Variants in ATP2C2 observed in about 807,000 individuals in gnomAD.
ATP2C2 encodes the protein calcium-transporting ATPase type 2C member 2.
ATP2C2 carries 171 observed loss-of-function variants against 110.8 expected under a neutral mutation model. That is an observed-to-expected ratio of 1.54 (90% CI 1.36 to 1.75). The LOEUF (loss-of-function observed/expected upper bound fraction) is 1.75. ATP2C2 is among the 40% of genes most tolerant of loss of function. ATP2C2 has a pLI of 0.00. For missense variants in ATP2C2, 1,963 were observed against 1,235.0 expected (o/e 1.59, Z -8.84); for synonymous variants, 804 against 508.4 (o/e 1.58, Z -7.82).
intron 7 of ATP2C2, among the ~76,000 whole-genome samples, chr16:84,420,397 C>G (rs1252732434): frequency 6.6e-6 from 1 of 152,010 alleles, no homozygotes; most frequent in East Asian, 1.9e-4. Flanking sequence ...CTTCCAAACG[C>G]CTTCTCCTCC....
In ATP2C2 at chr16:84,442,568, C is replaced by T. The variant is rs1054621877; in HGVS notation, c.1370C>T (p.Thr457Ile). 1.2e-6 allele frequency: 2 copies of T among 1,613,954 alleles called. No homozygotes were observed. The highest frequency in any genetic ancestry group is 2.7e-5 in the African/African-American group (2 of 74,896). Reference sequence around the variant, plus strand: ...AAGAACGCCGTGATGGGGCAGCCCACCGAGGGTGCATTGATGGCCCTGGCG... The same window carrying T: ...AAGAACGCCGTGATGGGGCAGCCCATCGAGGGTGCATTGATGGCCCTGGCG... ...IRKNAVMGQPTEGALMALAMK... is the reference protein window; with the variant it reads ...IRKNAVMGQPIEGALMALAMK... Residue 457 changes from threonine (T) to isoleucine (I), a missense_variant, in exon 15 of 27, where the codon ACC becomes ATC. Coordinates refer to ENST00000262429, the MANE Select transcript of ATP2C2 (RefSeq NM_014861.4).
At chr16:84,422,941 A>G (rs1439747232) in intron 9 of ATP2C2, among the ~76,000 whole-genome samples, 1 of 152,140 alleles carries the variant, frequency 6.6e-6, no homozygotes, top group Non-Finnish European at 1.5e-5. Flanking sequence ...CCAGGATTAC[A>G]GGCATAAGCC....
intron 1 of ATP2C2, among the ~76,000 whole-genome samples, chr16:84,392,616 C>G (rs1487480829): frequency 1.3e-5 from 2 of 152,190 alleles, no homozygotes; most frequent in Non-Finnish European, 2.9e-5. Flanking sequence ...GTGCCCGCCA[C>G]CACGCCCGGC....
intron 11 of ATP2C2, among the ~76,000 whole-genome samples, chr16:84,433,351 C>G (rs920734681): frequency 2.0e-5 from 3 of 152,014 alleles, no homozygotes; most frequent in Non-Finnish European, 2.9e-5. Flanking sequence ...CCACTGCACT[C>G]CAACCTGGGC....
chr16:84,452,392 A>T (rs912995238), intron 18 of ATP2C2, among the ~76,000 whole-genome samples: 1 of 152,072 alleles, frequency 6.6e-6, no homozygotes, highest in African/African-American at 2.4e-5. Context: ...GTACAGTTTC[A>T]GTCTGCCTTC....
At position 84,452,067 on chromosome 16, in the gene ATP2C2, G is replaced by T. The variant is rs1225129965; in HGVS notation, c.1807G>T (p.Ala603Ser). 3.7e-6 allele frequency: 6 copies of T among 1,614,052 alleles called. No individual in the cohort carries two copies. Among genetic ancestry groups the T allele is most frequent in the Admixed American group, 1.7e-5 (1 of 60,014 alleles). Residue 603 changes from alanine to serine, a missense_variant, in exon 18 of 27, where the codon GCC becomes TCC. By Grantham distance (99) the Ala-to-Ser change is moderately conservative (BLOSUM62 1). Coordinates refer to ENST00000262429, the MANE Select transcript of ATP2C2 (RefSeq NM_014861.4). ...GTCTGTGAAGATGATAACGGGGGAT[G>T]CCCTGGAGACGGCCTTGGCCATAGG... ...GVSVKMITGD[A>S]LETALAIGRN...
intron 11 of ATP2C2, among the ~76,000 whole-genome samples, chr16:84,437,103 AT>A (rs1404648435): frequency 6.6e-6 from 1 of 152,152 alleles, no homozygotes; most frequent in Non-Finnish European, 1.5e-5. Context: ...TAATTCACAT[AT>A]ATAATTCATC....
chr16:84,447,035 T>G (rs1021389892), intron 16 of ATP2C2, among the ~76,000 whole-genome samples: 20 of 152,268 alleles, frequency 1.3e-4, no homozygotes, highest in Middle Eastern at 3.4e-3. Flanking sequence ...GGGTGGACAT[T>G]ACAGCTGATT....
At chr16:84,423,473 C>T (rs1412387863) in intron 10 of ATP2C2, among the ~76,000 whole-genome samples, 1 of 152,226 alleles carries the variant, frequency 6.6e-6, no homozygotes, top group Non-Finnish European at 1.5e-5. Context: ...ATTTTCTTGG[C>T]TTAACAGAGT....
chr16:84,451,328 T>G (rs1030942240), intron 17 of ATP2C2, among the ~76,000 whole-genome samples: 1 of 152,120 alleles, frequency 6.6e-6, no homozygotes, highest in Non-Finnish European at 1.5e-5. Flanking sequence ...GAGCTACAGT[T>G]CAAGATGAGA....
chr16:84,439,710 G>C (rs866070798), intron 13 of ATP2C2, among the ~76,000 whole-genome samples, 186 bp downstream of exon 13: 16 of 152,256 alleles, frequency 1.1e-4, no homozygotes, highest in Middle Eastern at 3.4e-3. Flanking sequence ...TAATAGATAT[G>C]ACCAATTTAA....
At chr16:84,459,819 A>G (rs1597884244) in intron 23 of ATP2C2, 3 of 471,618 alleles carry the variant, frequency 6.4e-6, no homozygotes, top group Middle Eastern at 6.0e-4. Flanking sequence ...CCCCTTTAGA[A>G]CATCAGTTTC....
At position 84,424,599 on chromosome 16, in the gene ATP2C2, T is replaced by TTTTA. The variant is rs376880864; in HGVS notation, c.920-1136_920-1135insTTTA. On this transcript the variant is annotated intron_variant, in intron 10 of 26. Transcript: ENST00000262429. Reference sequence around the variant, plus strand: ...GGCTTTTTTTTTTTTTTTTTTTTTTTAACATTTTGGGAACTGCTCTAGCAG... The same window carrying TTTTA: ...GGCTTTTTTTTTTTTTTTTTTTTTTTTTTAAACATTTTGGGAACTGCTCTAGCAG... Among the ~76,000 whole-genome samples the TTTTA allele has an allele frequency of 4.2e-3, 545 of 131,106 alleles. 11 individuals carry two copies. Among genetic ancestry groups the TTTTA allele is most frequent in the Admixed American group, 6.1e-3 (78 of 12,790 alleles). The allele number at this position is 131,106 out of a possible 152,430, so 86.0% of individuals were successfully genotyped here. A position where few individuals can be genotyped will look rare whatever the true frequency, so the allele number is the denominator to read the frequency against.
chr16:84,412,336 G>C (rs1029920752), intron 6 of ATP2C2, among the ~76,000 whole-genome samples: 1 of 132,868 alleles, frequency 7.5e-6, no homozygotes, highest in Non-Finnish European at 1.6e-5. Context: ...GTGTGTGTCT[G>C]TATGCGTGTG....
intron 11 of ATP2C2, among the ~76,000 whole-genome samples, chr16:84,435,438 C>T (rs1908649774): frequency 6.6e-6 from 1 of 152,190 alleles, no homozygotes; most frequent in Non-Finnish European, 1.5e-5. Flanking sequence ...GCTAGGCCAG[C>T]GCAGGCCTAA....
At chr16:84,391,024 G>T (rs1904624231) in intron 1 of ATP2C2, among the ~76,000 whole-genome samples, 1 of 144,930 alleles carries the variant, frequency 6.9e-6, no homozygotes, top group African/African-American at 2.5e-5. Flanking sequence ...TGAGGCAGGA[G>T]AATGGCTTGA....
intron 16 of ATP2C2, among the ~76,000 whole-genome samples, chr16:84,447,244 C>A (rs1909835426): frequency 6.6e-6 from 1 of 152,166 alleles, no homozygotes; most frequent in African/African-American, 2.4e-5. Flanking sequence ...TCATGCCAGG[C>A]CCTTCCTGTG....
intron 16 of ATP2C2, among the ~76,000 whole-genome samples, chr16:84,446,735 A>G (rs914470325): frequency 1.8e-4 from 27 of 152,186 alleles, no homozygotes; most frequent in African/African-American, 5.6e-4. Context: ...CGAAGGGTCC[A>G]GGGGTGGGAC....
In ATP2C2 at chr16:84,422,464, G is replaced by A. The variant is rs1231583452; in HGVS notation, c.699G>A (p.Leu233=). ...AEPCSKTDSP[L]TGGGDLTTLS... ...CATGTAGTAAAACAGACAGCCCCTT[G>A]ACAGGCGGTGGGGACCTCACCACCC... The change falls in exon 8 of 27, where the codon TTG becomes TTA. Residue 233 remains leucine (L), a synonymous_variant. Coordinates refer to ENST00000262429, the MANE Select transcript of ATP2C2 (RefSeq NM_014861.4). The A allele has an allele frequency of 1.2e-6, 2 of 1,614,112 alleles. No homozygotes were observed. Among genetic ancestry groups the A allele is most frequent in the Non-Finnish European group, 1.7e-6 (2 of 1,180,030 alleles).
Sources: allele counts gnomAD v4.1 joint callset (sites outside exome capture counted in the v4.1 genomes callset), GRCh38; gene constraint gnomAD v4.1.1; transcripts MANE v1.5; gene names NCBI Gene and HGNC (gene_info 2026-07-23, HGNC 2026-07-21).